Variants in DHRSX observed in about 807,000 individuals in gnomAD.
DHRSX encodes the protein polyprenol dehydrogenase.
In DHRSX, 31 loss-of-function variants were observed where a neutral mutation model predicts 34.0. That is an observed-to-expected ratio of 0.91 (90% confidence interval 0.69 to 1.23). DHRSX has a LOEUF of 1.23. DHRSX is among the 50% of genes most tolerant of loss of function. DHRSX has a pLI of 0.00. For synonymous variants in DHRSX, 201 were observed against 183.8 expected, an observed-to-expected ratio of 1.09 and a Z score of -0.76; for missense variants, 414 against 428.1, an observed-to-expected ratio of 0.97 and a Z score of 0.29.
intron 3 of DHRSX, among the ~76,000 whole-genome samples, chrX:2,373,744 G>A (rs942170759): frequency 2.0e-4 from 30 of 151,188 alleles, no homozygotes; most frequent in Admixed American, 7.2e-4. Flanking sequence ...TGGACAGTTC[G>A]CACCCACATA....
chrX:2,390,312 T>C (rs1265300349), intron 3 of DHRSX, among the ~76,000 whole-genome samples: 4 of 151,312 alleles, frequency 2.6e-5, no homozygotes, highest in Non-Finnish European at 1.5e-5. Context: ...TCGGCTAATT[T>C]TGTATTTTTA....
chrX:2,442,914 C>T (rs1039081247), intron 1 of DHRSX, among the ~76,000 whole-genome samples: 4 of 152,318 alleles, frequency 2.6e-5, no homozygotes, highest in South Asian at 2.1e-4. Flanking sequence ...TCACCAGACA[C>T]GTGCGTGTTC....
intron 1 of DHRSX, chrX:2,489,284 T>C: frequency 6.2e-7 from 1 of 1,613,882 alleles, no homozygotes; most frequent in Non-Finnish European, 8.5e-7. Context: ...CAGCCTCTTG[T>C]AGCGGGGGTC....
At chrX:2,351,148 G>A (rs1345190441) in intron 3 of DHRSX, among the ~76,000 whole-genome samples, 1 of 152,156 alleles carries the variant, frequency 6.6e-6, no homozygotes, top group Non-Finnish European at 1.5e-5. Context: ...TTAAAACGTA[G>A]AAGATTGGTT....
intron 3 of DHRSX, among the ~76,000 whole-genome samples, chrX:2,296,518 C>T (rs1158559430): frequency 3.6e-5 from 5 of 138,844 alleles, no homozygotes; most frequent in Admixed American, 2.9e-4. Context: ...TAGACCCAGG[C>T]AGACAGGAAT....
intron 3 of DHRSX, among the ~76,000 whole-genome samples, chrX:2,368,154 A>G (rs1487218867): frequency 6.6e-6 from 1 of 151,864 alleles, no homozygotes; most frequent in East Asian, 1.9e-4. Context: ...GAGGCAGGAG[A>G]ATCACTTGAA....
chrX:2,311,144 A>T (rs1399355690), intron 3 of DHRSX, among the ~76,000 whole-genome samples: 3 of 151,776 alleles, frequency 2.0e-5, no homozygotes, highest in Non-Finnish European at 4.4e-5. Flanking sequence ...AGAGAGAGAG[A>T]AAGAGGAGAG....
At chrX:2,446,242 A>G (rs1487299619) in intron 1 of DHRSX, among the ~76,000 whole-genome samples, 1 of 152,080 alleles carries the variant, frequency 6.6e-6, no homozygotes, top group East Asian at 1.9e-4. Context: ...GAATGTGGCC[A>G]AGGGACCCAC....
intron 3 of DHRSX, among the ~76,000 whole-genome samples, chrX:2,371,404 A>ACCATAGACCCTCCTTCCG (rs1556494393): frequency 7.0e-6 from 1 of 142,590 alleles, no homozygotes; most frequent in Non-Finnish European, 1.5e-5. Flanking sequence ...CCCTTCTCAC[A>ACCATAGACCCTCCTTCCG]TTACCATAGT....
At chrX:2,230,241 A>G (rs1182793292) in intron 6 of DHRSX, among the ~76,000 whole-genome samples, 5 of 152,208 alleles carry the variant, frequency 3.3e-5, no homozygotes, top group Non-Finnish European at 5.9e-5. Flanking sequence ...ATGAGTGTGC[A>G]CATGTGTACG....
chrX:2,227,117 A>G (rs963154038), intron 6 of DHRSX, among the ~76,000 whole-genome samples: 1 of 152,002 alleles, frequency 6.6e-6, no homozygotes, highest in African/African-American at 2.4e-5. Context: ...CCAGCCCTGC[A>G]CCCACATCTG....
At chrX:2,475,869 G>C (rs1454010203) in intron 1 of DHRSX, among the ~76,000 whole-genome samples, 1 of 152,188 alleles carries the variant, frequency 6.6e-6, no homozygotes, top group African/African-American at 2.4e-5. Flanking sequence ...AACCCAGCTA[G>C]GAGAGCCACG....
chrX:2,342,953 G>A (rs543161933), intron 3 of DHRSX, among the ~76,000 whole-genome samples: 9 of 152,138 alleles, frequency 5.9e-5, no homozygotes, highest in African/African-American at 1.9e-4. Flanking sequence ...CAGAGCGGGA[G>A]CATGGCCATC....
chrX:2,406,247 G>T (rs374061698), intron 3 of DHRSX, among the ~76,000 whole-genome samples: 15 of 151,648 alleles, frequency 9.9e-5, no homozygotes, highest in East Asian at 7.9e-4. Context: ...AGCCGAGATC[G>T]CACCACTGCA....
At chrX:2,368,224 C>T (rs1198353502) in intron 3 of DHRSX, among the ~76,000 whole-genome samples, 2 of 143,520 alleles carry the variant, frequency 1.4e-5, no homozygotes, top group South Asian at 4.4e-4. Context: ...GCCTGGGCAA[C>T]AGAATAAGAC....
intron 3 of DHRSX, among the ~76,000 whole-genome samples, chrX:2,404,646 TAAAAAATAAAAAATA>T (rs886188311): frequency 6.6e-6 from 1 of 152,128 alleles, no homozygotes; most frequent in African/African-American, 2.4e-5. Context: ...TATTATTCCT[TAAAAAATAAAAAATA>T]ATATAATGCA....
chrX:2,491,323 G>A (rs1228969794), intron 1 of DHRSX, among the ~76,000 whole-genome samples: 1 of 152,182 alleles, frequency 6.6e-6, no homozygotes, highest in Non-Finnish European at 1.5e-5. Flanking sequence ...ACCCGCCTTG[G>A]CCTCCCAAAG....
chrX:2,414,618 C>T (rs2043670724), intron 2 of DHRSX, among the ~76,000 whole-genome samples: 1 of 152,034 alleles, frequency 6.6e-6, no homozygotes, highest in Non-Finnish European at 1.5e-5. Flanking sequence ...TTCATCATAA[C>T]CAAACCAACT....
At chrX:2,255,313 G>C (rs1216673241) in intron 5 of DHRSX, among the ~76,000 whole-genome samples, 1 of 152,110 alleles carries the variant, frequency 6.6e-6, no homozygotes, top group Non-Finnish European at 1.5e-5. Context: ...TAGACACATA[G>C]TGAGTGTGTC....
Sources: allele counts gnomAD v4.1 joint callset (sites outside exome capture counted in the v4.1 genomes callset), GRCh38; gene constraint gnomAD v4.1.1; transcripts MANE v1.5; gene names NCBI Gene and HGNC (gene_info 2026-07-23, HGNC 2026-07-21).